The following SEC23IP variants were observed in gnomAD, a reference collection of about 807,000 sequenced individuals.
The protein encoded by SEC23IP is SEC23-interacting protein.
Under a neutral mutation model 113.4 loss-of-function variants are expected in SEC23IP, and 70 were observed. That is an observed-to-expected ratio of 0.62 (90% CI 0.51 to 0.75). SEC23IP has a LOEUF of 0.75. Among genes scored for constraint, SEC23IP ranks in the 30% least tolerant of loss-of-function variants. The pLI is 0.00. For missense variants in SEC23IP, 1,160 were observed against 1,204.9 expected (o/e 0.96, Z 0.55); for synonymous variants, 398 against 421.0 (o/e 0.95, Z 0.67).
intron 14 of SEC23IP, 83 bp downstream of exon 14, chr10:119,929,845 T>TA: frequency 1.1e-6 from 1 of 895,586 alleles, no homozygotes; most frequent in Admixed American, 2.5e-5. Context: ...GATGGGGTCT[T>TA]ACTATGTGGA....
rs1855945364 is a variant in SEC23IP, at chr10:119,940,913, T to C, written c.*348T>C. ...AATATTTGTAGCATGTAAACGGTTA[T>C]TTCTGTTTCTTAAAAAGTATTGTTA... On this transcript the variant is annotated 3_prime_UTR_variant, in exon 19 of 19. Transcript: ENST00000369075. 6.6e-6 allele frequency: 1 copy of C among 152,266 alleles called. No homozygotes were observed. Among genetic ancestry groups the C allele is most frequent in the African/African-American group, 2.4e-5 (1 of 41,474 alleles). 9.4% of individuals were successfully genotyped at this position (152,266 alleles called of 1,614,324 possible). A position where few individuals can be genotyped will look rare whatever the true frequency, so the allele number is the denominator to read the frequency against.
chr10:119,914,590 A>G (rs1854983597), intron 6 of SEC23IP, 140 bp from the exon 7 acceptor site: 1 of 680,946 alleles, frequency 1.5e-6, no homozygotes, highest in Non-Finnish European at 2.6e-6. Flanking sequence ...TGATAGGGGT[A>G]ATGAGGCTTA....
At chr10:119,938,348 G>A (rs141516101) in intron 18 of SEC23IP, among the ~76,000 whole-genome samples, 74 of 152,216 alleles carry the variant, frequency 4.9e-4, no homozygotes, top group South Asian at 2.1e-3. Context: ...TTCAGATATT[G>A]GAGTTTTTGT....
intron 13 of SEC23IP, among the ~76,000 whole-genome samples, chr10:119,926,485 A>G (rs1389204421): frequency 6.6e-6 from 1 of 152,222 alleles, no homozygotes; most frequent in African/African-American, 2.4e-5. Context: ...TTATAGCATC[A>G]GTCTCTTATA....
Position 119,924,426 on chromosome 10 carries a change from C to CT in SEC23IP, c.2122-1598dup, listed in dbSNP as rs35657557. On this transcript the variant is annotated intron_variant, in intron 12 of 18. Coordinates refer to ENST00000369075, the MANE Select transcript of SEC23IP (RefSeq NM_007190.4). ...TTTTCTCTCGTTATAGAGATAACAC[C>CT]TTTTTTTTTTTTGAGACGGAGTCCC... is the stretch of plus-strand genomic sequence containing the variant. 1.5e-3 allele frequency among the ~76,000 whole-genome samples: 213 copies of CT among 146,484 alleles called. No homozygotes were observed. In the East Asian group the frequency reaches 0.017, roughly 12 times the overall value.
At chr10:119,900,154 A>G (rs1854428421) in intron 2 of SEC23IP, among the ~76,000 whole-genome samples, 3 of 152,120 alleles carry the variant, frequency 2.0e-5, no homozygotes. Context: ...TACATTTGCT[A>G]AGCATAAGGA....
intron 14 of SEC23IP, 48 bp downstream of exon 14, chr10:119,929,810 T>G: frequency 2.1e-6 from 3 of 1,417,714 alleles, no homozygotes; most frequent in Non-Finnish European, 2.9e-6. Context: ...TTTTCTTTTT[T>G]AAACATTTTT....
intron 5 of SEC23IP, among the ~76,000 whole-genome samples, chr10:119,910,909 T>G (rs1854835773): frequency 6.6e-6 from 1 of 151,916 alleles, no homozygotes; most frequent in Admixed American, 6.6e-5. Context: ...GGTCTTGAAC[T>G]CTTGGGCTCA....
intron 16 of SEC23IP, 33 bp downstream of exon 16, chr10:119,932,351 A>C (rs1855633262): frequency 6.6e-7 from 1 of 1,510,192 alleles, no homozygotes; most frequent in African/African-American, 1.4e-5. Context: ...TTTCTAATAC[A>C]AATGTTTCAT....
chr10:119,927,873 G>A (rs1349003880), intron 13 of SEC23IP, among the ~76,000 whole-genome samples: 1 of 152,194 alleles, frequency 6.6e-6, no homozygotes, highest in African/African-American at 2.4e-5. Context: ...GGTAGACATA[G>A]GGTAGCTGGG....
rs1418537833 is a variant in SEC23IP, at chr10:119,943,364, T to C, written c.*2799T>C. Reference sequence around the variant, plus strand: ...TGTCCCTGCGGTGCACGGGACAGACTGTCAGCTAACCTGTCTTCATGACAT... The same window carrying C: ...TGTCCCTGCGGTGCACGGGACAGACCGTCAGCTAACCTGTCTTCATGACAT... On this transcript the variant is annotated 3_prime_UTR_variant, in exon 19 of 19. Transcript: ENST00000369075. The C allele has an allele frequency of 6.6e-6, 1 of 152,202 alleles. No individual in the cohort carries two copies. Among genetic ancestry groups the C allele is most frequent in the East Asian group, 1.9e-4 (1 of 5,194 alleles). 9.4% of individuals were successfully genotyped at this position (152,202 alleles called of 1,614,324 possible).
rs1246553987 is a variant in SEC23IP, at chr10:119,904,227, A to G, written c.1051A>G (p.Thr351Ala). The change falls in exon 4 of 19, where the codon ACA (threonine) becomes GCA (alanine). Residue 351 changes from threonine (T) to alanine (A), a missense_variant. Thr to Ala is a moderately conservative substitution (Grantham distance 58, BLOSUM62 0). Coordinates refer to ENST00000369075, the MANE Select transcript of SEC23IP (RefSeq NM_007190.4). ...CTGTACTTGGTTTTACAAGGGGGAC[A>G]CAGATAGTCGATTTATTCCCTATAC... ...RRCTWFYKGDTDSRFIPYTEE... is the reference protein window; with the variant it reads ...RRCTWFYKGDADSRFIPYTEE... 6.2e-7 allele frequency: 1 copy of G among 1,614,222 alleles called. No individual in the cohort carries two copies. The highest frequency in any genetic ancestry group is 1.7e-5 in the Admixed American group (1 of 60,022).
intron 2 of SEC23IP, among the ~76,000 whole-genome samples, chr10:119,899,302 A>G (rs747465266): frequency 5.3e-5 from 8 of 152,236 alleles, no homozygotes; most frequent in Non-Finnish European, 1.2e-4. Flanking sequence ...CTAGTTTCTC[A>G]TCTTTCAATT....
chr10:119,903,379 T>A (rs1258609619), intron 3 of SEC23IP, among the ~76,000 whole-genome samples: 1 of 152,210 alleles, frequency 6.6e-6, no homozygotes, highest in Non-Finnish European at 1.5e-5. Context: ...CCTGGTCAGA[T>A]GAGTTTTGGA....
At chr10:119,917,498 C>T (rs920537958) in intron 8 of SEC23IP, among the ~76,000 whole-genome samples, 2 of 152,088 alleles carry the variant, frequency 1.3e-5, no homozygotes, top group African/African-American at 4.8e-5. Flanking sequence ...CCTGCCTCAC[C>T]CTCCTGAGTA....
At chr10:119,924,843 G>A (rs965395605) in intron 12 of SEC23IP, among the ~76,000 whole-genome samples, 2 of 151,876 alleles carry the variant, frequency 1.3e-5, no homozygotes, top group African/African-American at 2.4e-5. Flanking sequence ...AGTGGCGCAC[G>A]CATGGCTCAC....
intron 15 of SEC23IP, 102 bp from the exon 16 acceptor site, chr10:119,932,031 A>G (rs930515443): frequency 8.8e-6 from 6 of 682,922 alleles, no homozygotes; most frequent in Non-Finnish European, 1.0e-5. Context: ...AGAGGAAGAA[A>G]CAGTCTTATC....
chr10:119,938,765 A>G (rs780177907), intron 18 of SEC23IP, among the ~76,000 whole-genome samples: 6 of 152,202 alleles, frequency 3.9e-5, no homozygotes, highest in Non-Finnish European at 7.3e-5. Flanking sequence ...ATCACCTTAT[A>G]TGGAAAACTC....
At position 119,904,147 on chromosome 10, in the gene SEC23IP, A is replaced by G. The variant is rs374455323; in HGVS notation, c.971A>G (p.Tyr324Cys). The change falls in exon 4 of 19, where the codon TAT (tyrosine) becomes TGT (cysteine). Residue 324 changes from tyrosine (Y) to cysteine (C), a missense_variant. Physicochemically the swap from Tyr to Cys is radical, Grantham distance 194 (BLOSUM62 -2). Transcript: ENST00000369075. ...TDGGRYDVYL[Y>C]DRIRKAAYWE... ...GGAGGGCGCTACGATGTTTACCTCT[A>G]TGACCGAATAAGGAAGGCTGCCTAC... 9.9e-6 allele frequency: 16 copies of G among 1,614,240 alleles called. No homozygotes were observed. The highest frequency in any genetic ancestry group is 2.7e-5 in the African/African-American group (2 of 75,062).
Sources: gnomAD v4.1 joint callset for allele counts (sites outside exome capture counted in the v4.1 genomes callset) on GRCh38, gnomAD v4.1.1 for gene constraint, MANE v1.5 for transcripts, NCBI Gene and HGNC (gene_info 2026-07-23, HGNC 2026-07-21) for gene names.